RGS6: variants seen among roughly 807,000 people sequenced by gnomAD.
The protein encoded by RGS6 is regulator of G protein signaling 6.
In RGS6, 30 loss-of-function variants were observed where a neutral mutation model predicts 78.5. The ratio of observed to expected loss-of-function variants is 0.38; its 90% CI spans 0.29 to 0.52. RGS6 has a LOEUF of 0.52. Among genes scored for constraint, RGS6 ranks in the 20% least tolerant of loss-of-function variants. The probability of loss-of-function intolerance (pLI) is 0.85; values close to 1 mark genes in which losing one functional copy is unlikely to be tolerated. For synonymous variants in RGS6, 206 were observed against 206.0 expected (o/e 1.00, Z 0.00); for missense variants, 495 against 609.7 (o/e 0.81, Z 1.98).
the RGS6 span, among the ~76,000 whole-genome samples, chr14:72,576,174 G>T: frequency 6.6e-6 from 1 of 152,176 alleles, no homozygotes; most frequent in Admixed American, 6.5e-5. Flanking sequence ...TTCCTTGAAA[G>T]TACAAATTTT....
chr14:72,151,612 C>T (rs1002498403), intron 2 of RGS6, among the ~76,000 whole-genome samples: 1 of 152,182 alleles, frequency 6.6e-6, no homozygotes, highest in Non-Finnish European at 1.5e-5. Context: ...TTTCCCCACT[C>T]TTACAGTTGA....
chr14:72,483,234 C>G (rs951536059), intron 12 of RGS6, among the ~76,000 whole-genome samples: 4 of 152,224 alleles, frequency 2.6e-5, no homozygotes, highest in African/African-American at 9.6e-5. Flanking sequence ...TCTCCCGACC[C>G]ATAGCGAGCT....
intron 2 of RGS6, among the ~76,000 whole-genome samples, chr14:72,263,969 C>T (rs1185252260): frequency 1.3e-5 from 2 of 152,200 alleles, no homozygotes; most frequent in South Asian, 2.1e-4. Context: ...AAGGCCATAT[C>T]GTATACACAC....
intron 2 of RGS6, among the ~76,000 whole-genome samples, chr14:72,233,676 G>A (rs749617263): frequency 3.3e-5 from 5 of 152,148 alleles, no homozygotes; most frequent in Admixed American, 2.0e-4. Flanking sequence ...CTATACAAAC[G>A]TTCACAGTGA....
chr14:72,033,805 C>T (rs1596365715), intron 2 of RGS6, among the ~76,000 whole-genome samples: 1 of 152,116 alleles, frequency 6.6e-6, no homozygotes, highest in African/African-American at 2.4e-5. Context: ...TACTTTTTTT[C>T]AGAACTGCTG....
At chr14:71,964,580 A>G (rs2093405814) in intron 1 of RGS6, among the ~76,000 whole-genome samples, 192 bp from the exon 2 acceptor site, 1 of 152,160 alleles carries the variant, frequency 6.6e-6, no homozygotes, top group Non-Finnish European at 1.5e-5. Flanking sequence ...AATCAATAAC[A>G]TGTTGTTTGG....
At chr14:72,611,413 G>A in the RGS6 span, among the ~76,000 whole-genome samples, 1 of 152,230 alleles carries the variant, frequency 6.6e-6, no homozygotes, top group Non-Finnish European at 1.5e-5. Context: ...TCTGATGCTG[G>A]GTTTCATCCC....
At chr14:72,419,786 CTT>C (rs1368402465) in intron 3 of RGS6, among the ~76,000 whole-genome samples, 1 of 152,186 alleles carries the variant, frequency 6.6e-6, no homozygotes, top group Non-Finnish European at 1.5e-5. Context: ...AGGGGAGACT[CTT>C]TGCCTCTGTG....
the RGS6 span, among the ~76,000 whole-genome samples, chr14:72,617,136 C>A: frequency 6.6e-6 from 1 of 152,206 alleles, no homozygotes; most frequent in Non-Finnish European, 1.5e-5. Context: ...TGAGATCGAA[C>A]AGGGCTGCCC....
chr14:72,379,275 G>C (rs2085461230), intron 3 of RGS6, among the ~76,000 whole-genome samples: 1 of 152,020 alleles, frequency 6.6e-6, no homozygotes, highest in South Asian at 2.1e-4. Flanking sequence ...ACTGGAAAAA[G>C]ACAAGGATGC....
chr14:72,300,897 A>G (rs889012975), intron 2 of RGS6, among the ~76,000 whole-genome samples: 2 of 152,222 alleles, frequency 1.3e-5, no homozygotes. Context: ...ACTGAAAGAG[A>G]TCTTGATCGT....
chr14:72,384,411 G>A (rs1460416255), intron 3 of RGS6, among the ~76,000 whole-genome samples: 1 of 152,064 alleles, frequency 6.6e-6, no homozygotes, highest in Non-Finnish European at 1.5e-5. Context: ...TGAAATGTAT[G>A]TTTTTTCCTA....
intron 2 of RGS6, among the ~76,000 whole-genome samples, chr14:72,099,448 C>T (rs996055119): frequency 2.6e-5 from 4 of 152,282 alleles, no homozygotes; most frequent in Non-Finnish European, 5.9e-5. Context: ...CATGAGCCAC[C>T]GCACCCTGCC....
At chr14:71,952,582 G>A (rs1420569638) in intron 1 of RGS6, among the ~76,000 whole-genome samples, 4 of 151,828 alleles carry the variant, frequency 2.6e-5, no homozygotes, top group Non-Finnish European at 5.9e-5. Context: ...CACGGTATGA[G>A]TAAAACTGTA....
chr14:72,324,364 C>T (rs1480710766), intron 2 of RGS6, among the ~76,000 whole-genome samples: 2 of 149,090 alleles, frequency 1.3e-5, no homozygotes, highest in Non-Finnish European at 3.0e-5. Context: ...AAGGACTATT[C>T]TTTTTTTTTT....
At chr14:72,017,524 A>G (rs1012510012) in intron 2 of RGS6, among the ~76,000 whole-genome samples, 9 of 152,168 alleles carry the variant, frequency 5.9e-5, no homozygotes, top group African/African-American at 2.2e-4. Flanking sequence ...CTGTGGTACC[A>G]TTGTATTATA....
chr14:72,044,888 C>T (rs1254438997), intron 2 of RGS6, among the ~76,000 whole-genome samples: 4 of 151,750 alleles, frequency 2.6e-5, no homozygotes, highest in African/African-American at 2.4e-5. Context: ...ACAAAAAAAA[C>T]CAAACTAACA....
chr14:72,524,095 T>G (rs1311467452), intron 15 of RGS6, among the ~76,000 whole-genome samples: 2 of 152,238 alleles, frequency 1.3e-5, no homozygotes, highest in East Asian at 3.8e-4. Flanking sequence ...TTTGTAAGTG[T>G]GAACTCACAA....
chr14:72,390,762 G>A (rs951296808), intron 3 of RGS6, among the ~76,000 whole-genome samples: 7 of 152,178 alleles, frequency 4.6e-5, no homozygotes, highest in Non-Finnish European at 7.3e-5. Flanking sequence ...TTCAACACTC[G>A]TTTTACAAGC....
Sources: gnomAD v4.1 joint callset for allele counts (sites outside exome capture counted in the v4.1 genomes callset) on GRCh38, gnomAD v4.1.1 for gene constraint, MANE v1.5 for transcripts, NCBI Gene and HGNC (gene_info 2026-07-23, HGNC 2026-07-21) for gene names.